The following CCNY variants were observed in gnomAD, a reference collection of about 807,000 sequenced individuals.
CCNY encodes the protein cyclin-Y.
In CCNY, 19 loss-of-function variants were observed where a neutral mutation model predicts 42.8. That is an observed-to-expected ratio of 0.44 (90% CI 0.31 to 0.65). CCNY has a LOEUF of 0.65. CCNY is among the 30% of genes least tolerant of loss of function. The probability of loss-of-function intolerance (pLI) is 0.07; values close to 1 mark genes in which losing one functional copy is unlikely to be tolerated. For missense variants in CCNY, 370 were observed against 437.3 expected, an observed-to-expected ratio of 0.85 and a Z score of 1.37; for synonymous variants, 165 against 162.7, an observed-to-expected ratio of 1.01 and a Z score of -0.11.
chr10:35,533,215 T>A (rs951441232), intron 7 of CCNY, among the ~76,000 whole-genome samples: 1 of 152,186 alleles, frequency 6.6e-6, no homozygotes, highest in Admixed American at 6.5e-5. Flanking sequence ...AGATTTTGAC[T>A]GGCCCCAGTT....
At chr10:35,462,053 G>A (rs760955472) in intron 1 of CCNY, among the ~76,000 whole-genome samples, 8 of 152,112 alleles carry the variant, frequency 5.3e-5, no homozygotes, top group Non-Finnish European at 1.2e-4. Flanking sequence ...ACTCAATTCA[G>A]TACTGGAGTT....
intron 1 of CCNY, among the ~76,000 whole-genome samples, chr10:35,394,560 G>A (rs996429257): frequency 3.9e-5 from 6 of 152,182 alleles, no homozygotes; most frequent in African/African-American, 1.4e-4. Context: ...TCACACGGCC[G>A]GCTTCAAGGC....
chr10:35,487,406 G>A, intron 2 of CCNY, among the ~76,000 whole-genome samples: 1 of 152,134 alleles, frequency 6.6e-6, no homozygotes, highest in East Asian at 1.9e-4. Flanking sequence ...CCACAGACAT[G>A]CAGCTCCTGG....
chr10:35,431,481 A>G (rs2135280389), intron 1 of CCNY, among the ~76,000 whole-genome samples: 1 of 126,852 alleles, frequency 7.9e-6, no homozygotes, highest in Admixed American at 8.0e-5. Flanking sequence ...CCCCCTCCTC[A>G]CACCACTCTG....
chr10:35,478,584 A>G (rs1391698495), intron 1 of CCNY, among the ~76,000 whole-genome samples: 1 of 152,242 alleles, frequency 6.6e-6, no homozygotes, highest in African/African-American at 2.4e-5. Context: ...CTGGCTAGCC[A>G]TATGGAGAAA....
chr10:35,379,319 C>A (rs1333075161), intron 1 of CCNY, among the ~76,000 whole-genome samples: 2 of 152,154 alleles, frequency 1.3e-5, no homozygotes, highest in African/African-American at 2.4e-5. Flanking sequence ...GTTTGAACTT[C>A]CTGCAAGTGC....
At chr10:35,462,247 T>C (rs868037160) in intron 1 of CCNY, among the ~76,000 whole-genome samples, 3 of 152,368 alleles carry the variant, frequency 2.0e-5, no homozygotes, top group Middle Eastern at 3.4e-3. Context: ...AAAGCAGCCA[T>C]GTTAGGTGGA....
chr10:35,371,620 G>T (rs566600043), intron 1 of CCNY, among the ~76,000 whole-genome samples: 1 of 152,126 alleles, frequency 6.6e-6, no homozygotes, highest in Non-Finnish European at 1.5e-5. Context: ...CAGTTTTAAC[G>T]TGAGGCCTCA....
chr10:35,437,007 G>A (rs759142580), intron 1 of CCNY, among the ~76,000 whole-genome samples: 2 of 152,188 alleles, frequency 1.3e-5, no homozygotes, highest in Non-Finnish European at 2.9e-5. Flanking sequence ...CATGTCTTAC[G>A]TGTCAGCAGG....
chr10:35,294,952 G>A (rs545588286), intron 3 of CCNY, among the ~76,000 whole-genome samples: 1 of 152,006 alleles, frequency 6.6e-6, no homozygotes, highest in Non-Finnish European at 1.5e-5. Flanking sequence ...CTTTCTTCTT[G>A]AGCCAGTTGC....
chr10:35,416,001 C>T (rs1838015579), intron 1 of CCNY, among the ~76,000 whole-genome samples: 1 of 152,030 alleles, frequency 6.6e-6, no homozygotes, highest in Admixed American at 6.5e-5. Flanking sequence ...GCTCTTTTTT[C>T]CCTATCCTTC....
chr10:35,256,687 T>C (rs1380653591), intron 3 of CCNY, among the ~76,000 whole-genome samples: 1 of 151,018 alleles, frequency 6.6e-6, no homozygotes, highest in Non-Finnish European at 1.5e-5. Flanking sequence ...GCTGAGATCG[T>C]GCCACTGAAC....
At chr10:35,265,903 G>A (rs566665307) in intron 3 of CCNY, among the ~76,000 whole-genome samples, 4 of 152,230 alleles carry the variant, frequency 2.6e-5, no homozygotes, top group East Asian at 1.9e-4. Context: ...GCAGGCCACC[G>A]GGAGAGGCTG....
At chr10:35,411,500 G>A (rs1047066388) in intron 1 of CCNY, among the ~76,000 whole-genome samples, 1 of 112,672 alleles carries the variant, frequency 8.9e-6, no homozygotes, top group East Asian at 2.8e-4. Flanking sequence ...GGGTGACAGA[G>A]CAAGACTCTG....
chr10:35,505,018 T>C (rs1361315348), intron 3 of CCNY, among the ~76,000 whole-genome samples: 1 of 151,814 alleles, frequency 6.6e-6, no homozygotes, highest in Non-Finnish European at 1.5e-5. Flanking sequence ...ATTTAAAATT[T>C]GCTGACATTT....
intron 1 of CCNY, among the ~76,000 whole-genome samples, chr10:35,400,697 G>A (rs1837624642): frequency 6.6e-6 from 1 of 152,052 alleles, no homozygotes; most frequent in South Asian, 2.1e-4. Flanking sequence ...TATTTTTGAT[G>A]GGGAGAATTC....
intron 4 of CCNY, among the ~76,000 whole-genome samples, chr10:35,522,128 A>G (rs1840559411): frequency 6.6e-6 from 1 of 152,194 alleles, no homozygotes; most frequent in African/African-American, 2.4e-5. Context: ...CACTGCCTCT[A>G]GAAAAAAACC....
At chr10:35,481,882 T>G (rs931195141) in intron 1 of CCNY, among the ~76,000 whole-genome samples, 1 of 152,240 alleles carries the variant, frequency 6.6e-6, no homozygotes, top group Non-Finnish European at 1.5e-5. Flanking sequence ...TAGTTCAAAT[T>G]GAAGCAAATT....
intron 1 of CCNY, among the ~76,000 whole-genome samples, chr10:35,338,262 A>T (rs964169805): frequency 1.3e-5 from 2 of 152,214 alleles, no homozygotes; most frequent in African/African-American, 4.8e-5. Flanking sequence ...GCCACATTTA[A>T]ACTTTGCTAA....
Sources: gnomAD v4.1 joint callset for allele counts (sites outside exome capture counted in the v4.1 genomes callset) on GRCh38, gnomAD v4.1.1 for gene constraint, MANE v1.5 for transcripts, NCBI Gene and HGNC (gene_info 2026-07-23, HGNC 2026-07-21) for gene names.